Variants in MAF observed in about 807,000 individuals in gnomAD.
The protein encoded by MAF is transcription factor Maf.
In MAF, 10 loss-of-function variants were observed where a neutral mutation model predicts 22.0. That is an observed-to-expected ratio of 0.45 (90% CI 0.28 to 0.77). The LOEUF (loss-of-function observed/expected upper bound fraction) is 0.77. MAF is among the 30% of genes least tolerant of loss of function. MAF has a pLI of 0.12. For missense variants in MAF, 544 were observed against 548.4 expected (o/e 0.99, Z 0.08); for synonymous variants, 337 against 255.8 (o/e 1.32, Z -3.03).
the MAF span, among the ~76,000 whole-genome samples, chr16:79,221,943 A>G: frequency 6.6e-6 from 1 of 152,148 alleles, no homozygotes; most frequent in African/African-American, 2.4e-5. Context: ...CTATTTGTTA[A>G]TACACTTCCC....
At chr16:79,452,153 C>A in the MAF span, among the ~76,000 whole-genome samples, 2 of 152,270 alleles carry the variant, frequency 1.3e-5, no homozygotes, top group East Asian at 3.9e-4. Flanking sequence ...CCTGCAAAGC[C>A]TAAAATATTT....
chr16:79,462,118 G>T, the MAF span, among the ~76,000 whole-genome samples: 1 of 152,150 alleles, frequency 6.6e-6, no homozygotes, highest in Non-Finnish European at 1.5e-5. Context: ...CTCCCCATGG[G>T]AATTCTCTGG....
At chr16:79,408,350 A>G in the MAF span, among the ~76,000 whole-genome samples, 3 of 151,890 alleles carry the variant, frequency 2.0e-5, no homozygotes, top group African/African-American at 7.3e-5. Context: ...CTAATTTTGA[A>G]TTTTTAGTAG....
the MAF span, among the ~76,000 whole-genome samples, chr16:79,304,432 A>G: frequency 6.6e-6 from 1 of 152,166 alleles, no homozygotes; most frequent in African/African-American, 2.4e-5. Flanking sequence ...CCCATTCCAG[A>G]GTCTTTTTTT....
At chr16:79,517,433 G>A in the MAF span, among the ~76,000 whole-genome samples, 2 of 152,122 alleles carry the variant, frequency 1.3e-5, no homozygotes, top group African/African-American at 4.8e-5. Context: ...GAGTAACCTG[G>A]CAGCAAACAT....
At chr16:79,212,205 G>C in the MAF span, 3 of 1,446,290 alleles carry the variant, frequency 2.1e-6, no homozygotes, top group Non-Finnish European at 2.7e-6. Flanking sequence ...TCCTACTTAG[G>C]GAAGAAAAAG....
the MAF span, among the ~76,000 whole-genome samples, chr16:79,361,663 G>A: frequency 5.3e-5 from 8 of 151,988 alleles, no homozygotes; most frequent in South Asian, 2.1e-4. Flanking sequence ...GAGAAATTAC[G>A]TCTGCACGAA....
chr16:79,502,689 AAATATAAATATAAATATAAAT>A, the MAF span, among the ~76,000 whole-genome samples: 46 of 16,830 alleles, frequency 2.7e-3, 2 homozygotes, highest in African/African-American at 7.9e-3. Context: ...ATATAAATAT[AAATATAAATATAAATATAAAT>A]ATATATATAT....
the MAF span, among the ~76,000 whole-genome samples, chr16:79,492,057 T>C: frequency 6.6e-6 from 1 of 152,112 alleles, no homozygotes; most frequent in Non-Finnish European, 1.5e-5. Context: ...CAAGACCATA[T>C]TGCAAAGATC....
chr16:79,512,239 T>G, the MAF span, among the ~76,000 whole-genome samples: 1 of 152,280 alleles, frequency 6.6e-6, no homozygotes, highest in African/African-American at 2.4e-5. Flanking sequence ...TCAGTACAGG[T>G]GGGCCTCCCA....
the MAF span, among the ~76,000 whole-genome samples, chr16:79,483,721 T>G: frequency 3.3e-5 from 5 of 152,138 alleles, no homozygotes; most frequent in Non-Finnish European, 7.3e-5. Flanking sequence ...CAGGGCTGTA[T>G]GGCAGGCATA....
At chr16:79,549,543 T>G in the MAF span, among the ~76,000 whole-genome samples, 1 of 152,222 alleles carries the variant, frequency 6.6e-6, no homozygotes, top group Non-Finnish European at 1.5e-5. Context: ...GAATCGATTC[T>G]CTGCCTGGCC....
chr16:79,293,078 A>G, the MAF span, among the ~76,000 whole-genome samples: 2 of 152,208 alleles, frequency 1.3e-5, no homozygotes, highest in East Asian at 3.8e-4. Context: ...TGCTTTGCCT[A>G]TGGAGTAGCC....
the MAF span, among the ~76,000 whole-genome samples, chr16:79,545,757 G>T: frequency 6.6e-6 from 1 of 152,076 alleles, no homozygotes; most frequent in Non-Finnish European, 1.5e-5. Context: ...GATGGGGAGT[G>T]GGGGAGATGT....
At chr16:79,215,889 G>A in the MAF span, among the ~76,000 whole-genome samples, 1 of 152,134 alleles carries the variant, frequency 6.6e-6, no homozygotes, top group Non-Finnish European at 1.5e-5. Flanking sequence ...GATGAACTGA[G>A]GCCCCGTAAC....
chr16:79,237,748 G>A, the MAF span, among the ~76,000 whole-genome samples: 159 of 152,272 alleles, frequency 1.0e-3, no homozygotes, highest in African/African-American at 3.6e-3. Context: ...TTTGCAGGGT[G>A]CTTACTGTCA....
At chr16:79,369,875 T>A in the MAF span, among the ~76,000 whole-genome samples, 1 of 152,184 alleles carries the variant, frequency 6.6e-6, no homozygotes, top group Non-Finnish European at 1.5e-5. Flanking sequence ...AAGAAATAAC[T>A]GGAAAGGGGA....
the MAF span, among the ~76,000 whole-genome samples, chr16:79,554,913 C>A: frequency 1.3e-5 from 2 of 152,194 alleles, no homozygotes; most frequent in African/African-American, 2.4e-5. Flanking sequence ...CTTTCTGATA[C>A]ACACAAAGTG....
At chr16:79,425,945 G>A in the MAF span, among the ~76,000 whole-genome samples, 6 of 152,318 alleles carry the variant, frequency 3.9e-5, no homozygotes, top group African/African-American at 1.2e-4. Flanking sequence ...GGTGGCTCAC[G>A]CCTGTAATCC....
Sources: gnomAD v4.1 joint callset for allele counts (sites outside exome capture counted in the v4.1 genomes callset) on GRCh38, gnomAD v4.1.1 for gene constraint, MANE v1.5 for transcripts, NCBI Gene and HGNC (gene_info 2026-07-23, HGNC 2026-07-21) for gene names.